PTK6: variants seen among roughly 807,000 people sequenced by gnomAD.
PTK6 encodes the protein protein-tyrosine kinase 6.
PTK6 carries 47 observed loss-of-function variants against 47.5 expected under a neutral mutation model. The observed-to-expected ratio is 0.99, with a 90% confidence interval of 0.78 to 1.26. PTK6 has a LOEUF of 1.26. Ranked by LOEUF, PTK6 falls within the 50% of genes most tolerant of loss-of-function variation. PTK6 has a pLI of 0.00. For missense variants in PTK6, 618 were observed against 625.3 expected (o/e 0.99, Z 0.12); for synonymous variants, 287 against 276.5 (o/e 1.04, Z -0.38).
In PTK6 at chr20:63,529,742, A is replaced by G. The variant is rs746292132; in HGVS notation, c.1169-19T>C. The G allele has an allele frequency of 2.6e-6, 4 of 1,530,004 alleles. No individual in the cohort carries two copies. In the South Asian group the frequency reaches 4.9e-5, roughly 19 times the overall value. The allele number at this position is 1,530,004 out of a possible 1,614,324, so 94.8% of individuals were successfully genotyped here. A position where few individuals can be genotyped will look rare whatever the true frequency, so the allele number is the denominator to read the frequency against. On this transcript the variant is annotated intron_variant, in intron 7 of 7. Transcript: ENST00000542869. The surrounding 1 kb of genome is among the most constrained non-coding windows in gnomAD (Gnocchi z 5.6). Reference sequence around the variant, plus strand: ...GACATGCCTGCGGCCGACAGGGATGAGAAGAGCTGGGGCCCACCTGCCTAC... The same window carrying G: ...GACATGCCTGCGGCCGACAGGGATGGGAAGAGCTGGGGCCCACCTGCCTAC...
In PTK6 at chr20:63,530,944, A is replaced by T. The variant is rs997188098; in HGVS notation, c.833-17T>A. ...CATCAGAGTCTGCAGAGGGGAGTGG[A>T]GCAGAGCCTGGGGTCAGCTGAGCCA... is the stretch of plus-strand genomic sequence containing the variant. On this transcript the variant is annotated splice_polypyrimidine_tract_variant and intron_variant, in intron 5 of 7. Transcript: ENST00000542869. The surrounding 1 kb of genome is among the most constrained non-coding windows in gnomAD (Gnocchi z 4.1). 1 of 1,581,066 alleles carries T rather than the reference A, an allele frequency of 6.3e-7. No individual in the cohort carries two copies. Among genetic ancestry groups the T allele is most frequent in the Non-Finnish European group, 8.6e-7 (1 of 1,164,042 alleles).
Position 63,530,288 on chromosome 20 carries a change from A to AGCATGGACGGGCACAGCGGCC in PTK6, c.1015-78_1015-58dup, listed in dbSNP as rs2082607812. ...GGGGCTGCCTGTGCCCTGCCCCCGA[A>AGCATGGACGGGCACAGCGGCC]GCATGGACGGGCACAGCGGCCGCAT... On this transcript the variant is annotated intron_variant, in intron 6 of 7. Coordinates refer to ENST00000542869, the MANE Select transcript of PTK6 (RefSeq NM_005975.4). The surrounding 1 kb of genome is among the most constrained non-coding windows in gnomAD (Gnocchi z 4.1). 3.1e-6 allele frequency: 5 copies of AGCATGGACGGGCACAGCGGCC among 1,595,904 alleles called. No individual in the cohort carries two copies. The East Asian group carries it at 6.7e-5, about 21-fold the overall frequency.
At chr20:63,534,061 A>G (rs1016015467) in intron 3 of PTK6, 91 bp downstream of exon 3, 13 of 1,433,510 alleles carry the variant, frequency 9.1e-6, no homozygotes, top group East Asian at 2.5e-5. Flanking sequence ...GACCCCTCCC[A>G]TGCTGCCCGG....
At position 63,530,976 on chromosome 20, in the gene PTK6, GTGGGGAAGGGT is replaced by G; in HGVS notation, c.833-60_833-50del. On this transcript the variant is annotated intron_variant, in intron 5 of 7. Transcript: ENST00000542869. This position sits in a 1 kb window ranked among gnomAD's most constrained non-coding sequence, Gnocchi z 4.1. ...CCTGGGGTCAGCTGAGCCAGCTGAG[GTGGGGAAGGGT>G]TGGGGAGGCTGGGCCATGTCTCATC... The G allele has an allele frequency of 1.3e-6, 2 of 1,497,338 alleles. No individual in the cohort carries two copies. Among genetic ancestry groups the G allele is most frequent in the Non-Finnish European group, 1.8e-6 (2 of 1,115,038 alleles). 92.8% of individuals were successfully genotyped at this position (1,497,338 alleles called of 1,614,324 possible).
rs750079248 is a variant in PTK6 at position 63,537,248 on chromosome 20, TC to T, written c.66del (p.Thr23ArgfsTer5). ...GCGCGGAAGCTCAGCTCCTCGTCCG[TC>T]CGGGACTTGAAGTCCCAGAGGCCCA... Reference protein sequence around the residue: ...KYVGLWDFKSRTDEELSFRAG... With the variant: ...KYVGLWDFKSXTDEELSFRAG... On this transcript the variant is annotated frameshift_variant, in exon 1 of 8. Transcript: ENST00000542869. LOFTEE classifies it high-confidence loss of function. The T allele has an allele frequency of 1.1e-4, 176 of 1,612,282 alleles. No homozygotes were observed. Among genetic ancestry groups the T allele is most frequent in the Middle Eastern group, 9.9e-4 (6 of 6,080 alleles).
At position 63,528,387 on chromosome 20, in the gene PTK6, A is replaced by ATTAT. The variant is rs2082591236; in HGVS notation, c.*1145_*1148dup. On this transcript the variant is annotated 3_prime_UTR_variant, in exon 8 of 8. Coordinates refer to ENST00000542869, the MANE Select transcript of PTK6 (RefSeq NM_005975.4). ...TAGTACCTTTCCAGAAACTCCCAAA[A>ATTAT]TTATTTTTCTTTCTTTCTTTTTTTT... 1 of 150,452 alleles carries ATTAT rather than the reference A, an allele frequency of 6.6e-6. No homozygotes were observed. The highest frequency in any genetic ancestry group is 1.5e-5 in the Non-Finnish European group (1 of 67,690). The allele number at this position is 150,452 out of a possible 1,614,324, so 9.3% of individuals were successfully genotyped here.
In PTK6 at chr20:63,534,297, A is replaced by G; in HGVS notation, c.371T>C (p.Val124Ala). 2 of 1,606,474 alleles carry G rather than the reference A, an allele frequency of 1.2e-6. No homozygotes were observed. Among genetic ancestry groups the G allele is most frequent in the Non-Finnish European group, 1.7e-6 (2 of 1,178,072 alleles). The change falls in exon 3 of 8, where the codon GTG becomes GCG. Residue 124 changes from valine (V) to alanine (A), a missense_variant. Coordinates refer to ENST00000542869, the MANE Select transcript of PTK6 (RefSeq NM_005975.4). ...ACGCCGCCAGATCTTGTAGTGCCGC[A>G]CAGCCTGCGTGTCCCGCACTGGGAG... ...YVLSVRDTQA[V>A]RHYKIWRRAG...
At chr20:63,532,282 C>T (rs1197394349) in intron 5 of PTK6, among the ~76,000 whole-genome samples, 1 of 146,114 alleles carries the variant, frequency 6.8e-6, no homozygotes, top group African/African-American at 2.6e-5. Flanking sequence ...CTGTGTGTGT[C>T]ATGTGATGTG....
chr20:63,530,572 A>G lies in PTK6; in HGVS notation c.1014+174T>C, dbSNP rs1211149087. ...GGCCCTGCTGTGCGTGCCATTCAGAATGGGGGCCCCACCGGACTCACGGTG... is the reference window on the plus strand; with the variant it reads ...GGCCCTGCTGTGCGTGCCATTCAGAGTGGGGGCCCCACCGGACTCACGGTG... On this transcript the variant is annotated intron_variant, in intron 6 of 7. Transcript: ENST00000542869. The surrounding 1 kb of genome is among the most constrained non-coding windows in gnomAD (Gnocchi z 4.1). Among the ~76,000 whole-genome samples, 2 of 152,078 alleles carry G rather than the reference A, an allele frequency of 1.3e-5. No individual in the cohort carries two copies. Among genetic ancestry groups the G allele is most frequent in the Non-Finnish European group, 2.9e-5 (2 of 67,984 alleles).
At chr20:63,535,082 C>G (rs2082654326) in intron 1 of PTK6, 23 bp from the exon 2 acceptor site, 4 of 1,579,740 alleles carry the variant, frequency 2.5e-6, no homozygotes, top group East Asian at 2.3e-5. Context: ...AGTCTGAGAA[C>G]ACGCGGACCT....
rs758575605 is a variant in PTK6 at position 63,530,905 on chromosome 20, G to T, written c.855C>A (p.Pro285=). 6.2e-7 allele frequency: 1 copy of T among 1,611,958 alleles called. No homozygotes were observed. Among genetic ancestry groups the T allele is most frequent in the East Asian group, 2.2e-5 (1 of 44,786 alleles). ...AGGCGATGTCCAGCAGCTCCGAAAC[G>T]GGCAGGACTTTCTCATCAGAGTCTG... ...LLRDSDEKVL[P]VSELLDIAWQ... The change falls in exon 6 of 8, where the codon CCC becomes CCA. Residue 285 remains proline (P), a synonymous_variant. Coordinates refer to ENST00000542869, the MANE Select transcript of PTK6 (RefSeq NM_005975.4). This position sits in a 1 kb window ranked among gnomAD's most constrained non-coding sequence, Gnocchi z 4.1.
chr20:63,537,225 G>A lies in PTK6; in HGVS notation c.90C>T (p.Arg30=), dbSNP rs150694989. ...KSRTDEELSF[R]AGDVFHVARK... ...TGGCCACGTGGAAGACGTCCCCCGCGCGGAAGCTCAGCTCCTCGTCCGTCC... is the reference window on the plus strand; with the variant it reads ...TGGCCACGTGGAAGACGTCCCCCGCACGGAAGCTCAGCTCCTCGTCCGTCC... The change falls in exon 1 of 8, where the codon CGC becomes CGT. Residue 30 remains arginine (R), a synonymous_variant. Transcript: ENST00000542869. 1.2e-4 allele frequency: 201 copies of A among 1,612,400 alleles called. No individual in the cohort carries two copies. The East Asian group carries it at 2.1e-3, about 17-fold the overall frequency.
Position 63,530,634 on chromosome 20 carries a change from G to T in PTK6, c.1014+112C>A. Reference sequence around the variant, plus strand: ...CCCTGCCCAGCCTGGGCTCCCGAGGGCAGGGGCCGCATCCTGCTCCCAGCC... The same window carrying T: ...CCCTGCCCAGCCTGGGCTCCCGAGGTCAGGGGCCGCATCCTGCTCCCAGCC... On this transcript the variant is annotated intron_variant, in intron 6 of 7. Transcript: ENST00000542869. The surrounding 1 kb of genome is among the most constrained non-coding windows in gnomAD (Gnocchi z 4.1). 1 of 1,332,476 alleles carries T rather than the reference G, an allele frequency of 7.5e-7. No individual in the cohort carries two copies. The highest frequency in any genetic ancestry group is 1.0e-6 in the Non-Finnish European group (1 of 983,216). The allele number at this position is 1,332,476 out of a possible 1,614,324, so 82.5% of individuals were successfully genotyped here. A position where few individuals can be genotyped will look rare whatever the true frequency, so the allele number is the denominator to read the frequency against.
chr20:63,533,818 G>A lies in PTK6; in HGVS notation c.517-114C>T. 7.1e-7 allele frequency: 1 copy of A among 1,414,886 alleles called. No individual in the cohort carries two copies. Among genetic ancestry groups the A allele is most frequent in the Non-Finnish European group, 9.4e-7 (1 of 1,060,278 alleles). The allele number at this position is 1,414,886 out of a possible 1,614,324, so 87.6% of individuals were successfully genotyped here. ...CAGATTTAGGGCCACGATCAGCCTG[G>A]GTTGGGGGTTTCTGAGTGTCTGACA... On this transcript the variant is annotated intron_variant, in intron 3 of 7. Transcript: ENST00000542869. This position sits in a 1 kb window ranked among gnomAD's most constrained non-coding sequence, Gnocchi z 4.0.
intron 1 of PTK6, among the ~76,000 whole-genome samples, chr20:63,535,366 T>C (rs1322341399): frequency 1.3e-5 from 2 of 151,984 alleles, no homozygotes; most frequent in Non-Finnish European, 2.9e-5. Context: ...GCAGGATGGC[T>C]GCCCAGAGCT....
chr20:63,531,271 ATT>A (rs1191155434), intron 5 of PTK6, among the ~76,000 whole-genome samples: 1 of 151,060 alleles, frequency 6.6e-6, no homozygotes, highest in Non-Finnish European at 1.5e-5. Context: ...AATACAAAAA[ATT>A]AGCCGGGCGT....
At position 63,533,070 on chromosome 20, in the gene PTK6, C is replaced by T. The variant is rs6011880; in HGVS notation, c.671-383G>A. Among the ~76,000 whole-genome samples, 18,253 of 144,248 alleles carry T rather than the reference C, an allele frequency of 0.13. 3,555 individuals carry two copies. Among genetic ancestry groups the T allele is most frequent in the African/African-American group, 0.45 (16,898 of 37,560 alleles). 94.6% of individuals were successfully genotyped at this position (144,248 alleles called of 152,430 possible). ...GATTTTAAATTTTCTTTCTTTCTTT[C>T]TTTTTTTTTTTTCCCAAGACGGGGT... On this transcript the variant is annotated intron_variant, in intron 4 of 7. Transcript: ENST00000542869. This position sits in a 1 kb window ranked among gnomAD's most constrained non-coding sequence, Gnocchi z 4.0.
In PTK6 at chr20:63,533,216, T is replaced by C. The variant is rs1026709111; in HGVS notation, c.670+335A>G. 1.3e-5 allele frequency among the ~76,000 whole-genome samples: 2 copies of C among 152,034 alleles called. No individual in the cohort carries two copies. Among genetic ancestry groups the C allele is most frequent in the African/African-American group, 2.4e-5 (1 of 41,384 alleles). On this transcript the variant is annotated intron_variant, in intron 4 of 7. Coordinates refer to ENST00000542869, the MANE Select transcript of PTK6 (RefSeq NM_005975.4). This position sits in a 1 kb window ranked among gnomAD's most constrained non-coding sequence, Gnocchi z 4.0. The stretch of plus-strand genomic sequence containing the variant: ...CCGAGTAGCTGGGACTACAGGCACA[T>C]GCCTCCACACTCGGCTAATTTTTGT...
Position 63,532,334 on chromosome 20 carries a change from CAT to C in PTK6, c.832+190_832+191del, listed in dbSNP as rs1569011293. 7.8e-4 allele frequency among the ~76,000 whole-genome samples: 87 copies of C among 111,622 alleles called. 1 individual carries two copies. The highest frequency in any genetic ancestry group is 7.6e-3 in the African/African-American group (85 of 11,240). 73.2% of individuals were successfully genotyped at this position (111,622 alleles called of 152,430 possible). On this transcript the variant is annotated intron_variant, in intron 5 of 7. Coordinates refer to ENST00000542869, the MANE Select transcript of PTK6 (RefSeq NM_005975.4). ...GTGTGTGCATGTGTATGTCTGTGTG[CAT>C]GTGTGTGTGCATGTGTGTCTGTGCG... is the stretch of plus-strand genomic sequence containing the variant.
Sources: allele counts gnomAD v4.1 joint callset (sites outside exome capture counted in the v4.1 genomes callset), GRCh38; gene constraint gnomAD v4.1.1; non-coding constraint Gnocchi (gnomAD v3.1); transcripts MANE v1.5; gene names NCBI Gene and HGNC (gene_info 2026-07-23, HGNC 2026-07-21).